CDK6: variants seen among roughly 807,000 people sequenced by gnomAD.
CDK6 encodes the protein cyclin-dependent kinase 6.
In CDK6, 6 loss-of-function variants were observed where a neutral mutation model predicts 37.1. That is an observed-to-expected ratio of 0.16 (90% CI 0.09 to 0.32). The LOEUF (loss-of-function observed/expected upper bound fraction) is 0.32, where lower values mean the gene tolerates loss of function less well. CDK6 is among the 10% of genes least tolerant of loss of function. The probability of loss-of-function intolerance (pLI) is 1.00; values close to 1 mark genes in which losing one functional copy is unlikely to be tolerated. For missense variants in CDK6, 224 were observed against 418.9 expected (o/e 0.53, Z 4.06); for synonymous variants, 160 against 161.3 (o/e 0.99, Z 0.06).
chr7:92,664,330 G>T (rs1306309908), intron 5 of CDK6, among the ~76,000 whole-genome samples: 1 of 152,146 alleles, frequency 6.6e-6, no homozygotes, highest in East Asian at 1.9e-4. Flanking sequence ...CACAGGCTAG[G>T]GCGTGCCTTC....
chr7:92,787,885 T>C lies in CDK6; in HGVS notation c.234-13054A>G, dbSNP rs533588004. 1.5e-3 allele frequency among the ~76,000 whole-genome samples: 231 copies of C among 152,208 alleles called. 2 individuals carry two copies. Among genetic ancestry groups the C allele is most frequent in the African/African-American group, 5.1e-3 (212 of 41,552 alleles). ...AGGTGCAAGCAACCAAAATAAAGCT[T>C]GGTCAAAAATAAAGATCCTTATAAA... On this transcript the variant is annotated intron_variant, in intron 2 of 7. Transcript: ENST00000424848.
intron 3 of CDK6, among the ~76,000 whole-genome samples, chr7:92,763,409 A>G (rs1799505341): frequency 6.6e-6 from 1 of 152,244 alleles, no homozygotes; most frequent in African/African-American, 2.4e-5. Flanking sequence ...GAACTGTTAA[A>G]TCATTAGTGT....
intron 4 of CDK6, among the ~76,000 whole-genome samples, chr7:92,695,212 C>T (rs1797680863): frequency 6.9e-6 from 1 of 145,670 alleles, no homozygotes; most frequent in African/African-American, 2.6e-5. Context: ...AGGACTAAGG[C>T]AGAAATTAGG....
chr7:92,761,929 A>G (rs1562958150), intron 3 of CDK6, among the ~76,000 whole-genome samples: 1 of 152,236 alleles, frequency 6.6e-6, no homozygotes, highest in Non-Finnish European at 1.5e-5. Flanking sequence ...AGGATTTTGC[A>G]GCAAAGATAA....
intron 5 of CDK6, among the ~76,000 whole-genome samples, chr7:92,670,573 AG>A (rs1340676157): frequency 6.6e-6 from 1 of 152,250 alleles, no homozygotes; most frequent in African/African-American, 2.4e-5. Context: ...GGCTGAACTT[AG>A]TACCCAGATA....
chr7:92,805,458 T>A (rs994946054), intron 2 of CDK6, among the ~76,000 whole-genome samples: 1 of 152,152 alleles, frequency 6.6e-6, no homozygotes, highest in Non-Finnish European at 1.5e-5. Context: ...CCAAAATGAG[T>A]GAGCTCAAGA....
intron 5 of CDK6, among the ~76,000 whole-genome samples, chr7:92,625,219 AACACACACACACACACACAC>A (rs71699291): frequency 2.1e-5 from 3 of 141,890 alleles, no homozygotes; most frequent in South Asian, 4.5e-4. Flanking sequence ...GTGGTAACTA[AACACACACACACACACACAC>A]ACACACACAC....
In CDK6 at chr7:92,672,178, C is replaced by CAG. The variant is rs1797093586; in HGVS notation, c.538-644_538-643insCT. ...ATATATATACACATACACACACACACACACAGACACATACACACACACACA... is the reference window on the plus strand; with the variant it reads ...ATATATATACACATACACACACACACAGACACAGACACATACACACACACACA... On this transcript the variant is annotated intron_variant, in intron 4 of 7. Transcript: ENST00000424848. 5.8e-5 allele frequency among the ~76,000 whole-genome samples: 6 copies of CAG among 103,756 alleles called. 1 individual carries two copies. In the South Asian group the frequency reaches 1.5e-3, roughly 25 times the overall value. The allele number at this position is 103,756 out of a possible 152,430, so 68.1% of individuals were successfully genotyped here.
chr7:92,676,050 ATTG>A (rs1797195864), intron 4 of CDK6, among the ~76,000 whole-genome samples: 2 of 151,792 alleles, frequency 1.3e-5, no homozygotes, highest in Admixed American at 1.3e-4. Flanking sequence ...TGGGAGGATT[ATTG>A]TTTTATTTTA....
At chr7:92,672,201 A>T (rs1797100305) in intron 4 of CDK6, among the ~76,000 whole-genome samples, 1 of 123,606 alleles carries the variant, frequency 8.1e-6, no homozygotes, top group Non-Finnish European at 1.7e-5. Context: ...ACACACACAC[A>T]CACACACACA....
chr7:92,825,870 AAATT>A (rs1247033209), intron 2 of CDK6, among the ~76,000 whole-genome samples: 5 of 152,196 alleles, frequency 3.3e-5, no homozygotes, highest in Admixed American at 1.3e-4. Flanking sequence ...TGCAGTATAT[AAATT>A]AAGTCCAAAG....
intron 2 of CDK6, among the ~76,000 whole-genome samples, chr7:92,829,937 T>C (rs921827029): frequency 4.6e-5 from 7 of 152,246 alleles, no homozygotes; most frequent in African/African-American, 1.7e-4. Flanking sequence ...TGTTCATTGC[T>C]ATATCCCCAC....
chr7:92,645,179 G>A (rs1450834416), intron 5 of CDK6, among the ~76,000 whole-genome samples: 2 of 152,172 alleles, frequency 1.3e-5, no homozygotes, highest in African/African-American at 4.8e-5. Flanking sequence ...TTTTCACTCA[G>A]CTCTCATCAG....
chr7:92,737,760 A>G (rs1411826508), intron 3 of CDK6, among the ~76,000 whole-genome samples: 2 of 152,190 alleles, frequency 1.3e-5, no homozygotes, highest in African/African-American at 4.8e-5. Context: ...GTGCATTCCA[A>G]TACAGAGAGG....
chr7:92,804,468 C>T (rs1350093642), intron 2 of CDK6, among the ~76,000 whole-genome samples: 1 of 152,200 alleles, frequency 6.6e-6, no homozygotes, highest in Non-Finnish European at 1.5e-5. Flanking sequence ...TCTCACCTCG[C>T]TCCCAATCAA....
Position 92,612,575 on chromosome 7 carries a change from A to G in CDK6, c.*2565T>C. 4.3e-6 allele frequency: 1 copy of G among 233,190 alleles called. No homozygotes were observed. The highest frequency in any genetic ancestry group is 8.5e-6 in the Non-Finnish European group (1 of 117,990). 14.4% of individuals were successfully genotyped at this position (233,190 alleles called of 1,614,324 possible). On this transcript the variant is annotated 3_prime_UTR_variant, in exon 8 of 8. Coordinates refer to ENST00000424848, the MANE Select transcript of CDK6 (RefSeq NM_001145306.2). ...TTTTACAAAGTTCAGAGAGGCTGAG[A>G]TGCCCTTTCATTCTGTGTCATCAGA...
chr7:92,813,717 TG>T (rs1800948645), intron 2 of CDK6, among the ~76,000 whole-genome samples: 2 of 152,118 alleles, frequency 1.3e-5, no homozygotes, highest in East Asian at 3.9e-4. Flanking sequence ...CTGTGAACAA[TG>T]TATTGAAACT....
At chr7:92,796,722 A>G (rs568527262) in intron 2 of CDK6, among the ~76,000 whole-genome samples, 1 of 152,298 alleles carries the variant, frequency 6.6e-6, no homozygotes, top group East Asian at 1.9e-4. Flanking sequence ...TAACTGTTTA[A>G]TCATAGAGGT....
intron 5 of CDK6, among the ~76,000 whole-genome samples, chr7:92,644,625 T>C (rs907021919): frequency 5.9e-5 from 9 of 152,180 alleles, no homozygotes; most frequent in African/African-American, 1.4e-4. Context: ...CATTAAGTAA[T>C]GTGTACAGTC....
Sources: allele counts gnomAD v4.1 joint callset (sites outside exome capture counted in the v4.1 genomes callset), GRCh38; gene constraint gnomAD v4.1.1; transcripts MANE v1.5; gene names NCBI Gene and HGNC (gene_info 2026-07-23, HGNC 2026-07-21).